The following SOX5 variants were observed in gnomAD, a reference collection of about 807,000 sequenced individuals.
The protein encoded by SOX5 is transcription factor SOX-5.
SOX5 carries 9 observed loss-of-function variants against 92.0 expected under a neutral mutation model. The ratio of observed to expected loss-of-function variants is 0.10; its 90% CI spans 0.06 to 0.17. The LOEUF (loss-of-function observed/expected upper bound fraction) is 0.17, where lower values mean the gene tolerates loss of function less well. SOX5 is among the 10% of genes least tolerant of loss of function. The pLI, the probability that SOX5 is intolerant of heterozygous loss-of-function variation, is 1.00. For missense variants in SOX5, 642 were observed against 944.5 expected (o/e 0.68, Z 4.20); for synonymous variants, 344 against 336.3 (o/e 1.02, Z -0.25).
intron 4 of SOX5, among the ~76,000 whole-genome samples, chr12:24,061,841 G>A (rs577776493): frequency 1.3e-5 from 2 of 151,890 alleles, no homozygotes; most frequent in African/African-American, 4.8e-5. Context: ...GAACTGTTGT[G>A]AGCCACTGCA....
intron 6 of SOX5, among the ~76,000 whole-genome samples, chr12:23,729,167 T>TA (rs1766251870): frequency 6.6e-6 from 1 of 152,162 alleles, no homozygotes; most frequent in Non-Finnish European, 1.5e-5. Context: ...ACTTGCTAAA[T>TA]ACCAGTCACA....
chr12:24,426,253 G>C (rs1966749958), intron 1 of SOX5, among the ~76,000 whole-genome samples: 1 of 151,222 alleles, frequency 6.6e-6, no homozygotes. Context: ...TCACTCATAG[G>C]TGGGAATTGA....
intron 1 of SOX5, among the ~76,000 whole-genome samples, chr12:23,946,528 A>G (rs61910015): frequency 0.018 from 2,763 of 152,150 alleles, 40 homozygotes; most frequent in South Asian, 0.068. Flanking sequence ...TTTTCTTTTC[A>G]TCCTTGAAAT....
chr12:23,598,650 C>A (rs999941874), intron 9 of SOX5, among the ~76,000 whole-genome samples: 29 of 152,096 alleles, frequency 1.9e-4, no homozygotes, highest in African/African-American at 7.0e-4. Context: ...CCATCCACCT[C>A]GGCCTCCCAA....
At chr12:23,792,742 G>A (rs574307192) in intron 3 of SOX5, among the ~76,000 whole-genome samples, 2 of 146,754 alleles carry the variant, frequency 1.4e-5, no homozygotes, top group Non-Finnish European at 3.0e-5. Flanking sequence ...TTGTCTGTAT[G>A]TGATGATTTA....
At chr12:23,982,636 A>C (rs1353100890) in intron 4 of SOX5, among the ~76,000 whole-genome samples, 1 of 152,090 alleles carries the variant, frequency 6.6e-6, no homozygotes, top group Non-Finnish European at 1.5e-5. Flanking sequence ...ACTAACTCTT[A>C]AAGTAGAATT....
At chr12:23,853,303 A>C (rs1483552355) in intron 2 of SOX5, among the ~76,000 whole-genome samples, 1 of 151,398 alleles carries the variant, frequency 6.6e-6, no homozygotes, top group African/African-American at 2.4e-5. Context: ...TGTTTTTAGA[A>C]ATGCACCAAC....
At chr12:23,964,456 A>G (rs1947313053) in intron 4 of SOX5, among the ~76,000 whole-genome samples, 1 of 152,178 alleles carries the variant, frequency 6.6e-6, no homozygotes, top group Admixed American at 6.5e-5. Context: ...AAAGATACAT[A>G]GTTGTCCTGT....
intron 9 of SOX5, among the ~76,000 whole-genome samples, chr12:23,577,150 TAC>T (rs1197912028): frequency 0.018 from 2,131 of 117,420 alleles, 85 homozygotes; most frequent in African/African-American, 0.066. Flanking sequence ...TATATATATA[TAC>T]ACACACACAC....
chr12:24,517,719 T>A (rs1372940161), intron 1 of SOX5, among the ~76,000 whole-genome samples: 3 of 142,968 alleles, frequency 2.1e-5, no homozygotes, highest in Non-Finnish European at 4.6e-5. Context: ...TTTTTTTTTT[T>A]AACAATCCTC....
intron 3 of SOX5, among the ~76,000 whole-genome samples, chr12:24,261,724 G>C (rs1056600217): frequency 4.6e-5 from 7 of 152,112 alleles, no homozygotes; most frequent in African/African-American, 1.7e-4. Flanking sequence ...GGTTTTTTCT[G>C]TCTCTGCACC....
At chr12:24,193,038 C>T (rs1432167852) in intron 4 of SOX5, among the ~76,000 whole-genome samples, 1 of 152,090 alleles carries the variant, frequency 6.6e-6, no homozygotes, top group Non-Finnish European at 1.5e-5. Flanking sequence ...TAATAATATG[C>T]ATCTTCAGTT....
chr12:23,978,748 G>C (rs1949192383), intron 4 of SOX5, among the ~76,000 whole-genome samples: 1 of 151,888 alleles, frequency 6.6e-6, no homozygotes, highest in South Asian at 2.1e-4. Context: ...TTTAAGACTG[G>C]TCAACACTAA....
chr12:24,485,000 T>C (rs1035771720), intron 1 of SOX5, among the ~76,000 whole-genome samples: 1 of 152,108 alleles, frequency 6.6e-6, no homozygotes, highest in African/African-American at 2.4e-5. Flanking sequence ...AAAAAGTTGA[T>C]CCAGGAGTTG....
intron 4 of SOX5, among the ~76,000 whole-genome samples, chr12:24,141,185 T>A (rs1319776423): frequency 6.6e-6 from 1 of 152,208 alleles, no homozygotes; most frequent in African/African-American, 2.4e-5. Context: ...ATATATGGAA[T>A]GTTTTTTTAA....
chr12:24,068,838 G>A (rs182290209), intron 4 of SOX5, among the ~76,000 whole-genome samples: 24 of 149,330 alleles, frequency 1.6e-4, no homozygotes, highest in African/African-American at 5.9e-4. Flanking sequence ...GATGCAGAAG[G>A]GCTGGACTTC....
intron 4 of SOX5, among the ~76,000 whole-genome samples, chr12:24,016,694 C>T (rs1301813414): frequency 2.0e-5 from 3 of 152,182 alleles, no homozygotes; most frequent in Admixed American, 6.5e-5. Flanking sequence ...GTTTGGCGTC[C>T]GCCTTTTGGA....
rs1474076087 is a variant in SOX5, at chr12:24,182,867, C to T, written c.-2+30476G>A. 2.0e-5 allele frequency among the ~76,000 whole-genome samples: 3 copies of T among 152,254 alleles called. No individual in the cohort carries two copies. In the East Asian group the frequency reaches 5.8e-4, roughly 29 times the overall value. ...TAGCTGGAATTACAGGTGCTCATCA[C>T]CACGCCCAGCTAATTTTTGTATTTT... On this transcript the variant is annotated intron_variant, in intron 4 of 4. Transcript: ENST00000446891.
At chr12:24,505,109 C>T (rs1597387140) in intron 1 of SOX5, among the ~76,000 whole-genome samples, 1 of 152,306 alleles carries the variant, frequency 6.6e-6, no homozygotes, top group East Asian at 1.9e-4. Context: ...AAACCTATGC[C>T]TACATCTGGA....
Sources: allele counts gnomAD v4.1 joint callset (sites outside exome capture counted in the v4.1 genomes callset), GRCh38; gene constraint gnomAD v4.1.1; transcripts MANE v1.5; gene names NCBI Gene and HGNC (gene_info 2026-07-23, HGNC 2026-07-21).